Variants in CIB4 observed in about 807,000 individuals in gnomAD.
CIB4 encodes calcium and integrin binding family member 4.
Under a neutral mutation model 25.8 loss-of-function variants are expected in CIB4, and 25 were observed. That is an observed-to-expected ratio of 0.97 (90% CI 0.71 to 1.35). The LOEUF (loss-of-function observed/expected upper bound fraction) is 1.35, where lower values mean the gene tolerates loss of function less well. Among genes scored for constraint, CIB4 ranks in the 40% most tolerant of loss-of-function variants. CIB4 has a pLI of 0.00. For synonymous variants in CIB4, 75 were observed against 81.4 expected (o/e 0.92, Z 0.42); for missense variants, 235 against 228.2 (o/e 1.03, Z -0.19).
intron 4 of CIB4, among the ~76,000 whole-genome samples, chr2:26,589,087 T>TTCTTCCTCTTCC (rs1668527674): frequency 2.1e-5 from 2 of 93,362 alleles, no homozygotes; most frequent in African/African-American, 1.3e-4. Context: ...CTTCTTCTTC[T>TTCTTCCTCTTCC]TCTTCTTCTT....
intron 4 of CIB4, among the ~76,000 whole-genome samples, chr2:26,592,525 G>A (rs958996516): frequency 6.6e-6 from 1 of 152,132 alleles, no homozygotes; most frequent in African/African-American, 2.4e-5. Context: ...GGGCCATTAT[G>A]TCTTCAAATA....
At chr2:26,586,039 A>G (rs1668445810) in intron 4 of CIB4, among the ~76,000 whole-genome samples, 1 of 151,898 alleles carries the variant, frequency 6.6e-6, no homozygotes, top group Non-Finnish European at 1.5e-5. Context: ...CGCACTTCCC[A>G]TGCACTACCC....
intron 3 of CIB4, among the ~76,000 whole-genome samples, chr2:26,598,769 C>T (rs1668729451): frequency 6.6e-6 from 1 of 152,188 alleles, no homozygotes; most frequent in Admixed American, 6.5e-5. Flanking sequence ...TTATGAGCCC[C>T]CCTGAGACAG....
chr2:26,595,016 T>A (rs1163521714), intron 4 of CIB4, among the ~76,000 whole-genome samples, 160 bp downstream of exon 4: 1 of 152,100 alleles, frequency 6.6e-6, no homozygotes, highest in Non-Finnish European at 1.5e-5. Flanking sequence ...CAATCTTTTT[T>A]TTTTATTCCA....
At chr2:26,632,838 A>T (rs1328137323) in intron 2 of CIB4, among the ~76,000 whole-genome samples, 3 of 152,056 alleles carry the variant, frequency 2.0e-5, no homozygotes, top group Non-Finnish European at 4.4e-5. Context: ...GCATTTTGTC[A>T]CTGTCATAGT....
intron 3 of CIB4, among the ~76,000 whole-genome samples, chr2:26,625,349 CTTT>C (rs34821747): frequency 7.1e-5 from 7 of 98,542 alleles, no homozygotes; most frequent in East Asian, 2.6e-4. Flanking sequence ...TAAGGACAGC[CTTT>C]TTTTTTTTTT....
At chr2:26,581,523 C>A in intron 6 of CIB4, 130 bp from the exon 7 acceptor site, 1 of 866,626 alleles carries the variant, frequency 1.2e-6, no homozygotes, top group Non-Finnish European at 1.9e-6. Flanking sequence ...GGGTGACGGC[C>A]ACTTTGCAGC....
chr2:26,629,558 G>C, intron 2 of CIB4, 52 bp from the exon 3 acceptor site: 1 of 1,267,910 alleles, frequency 7.9e-7, no homozygotes. Context: ...GGCCAGCACT[G>C]TGTGGCCGGG....
At chr2:26,617,119 A>AGTGTGTGTGT (rs1244289106) in intron 3 of CIB4, among the ~76,000 whole-genome samples, 1 of 36,292 alleles carries the variant, frequency 2.8e-5, no homozygotes, top group African/African-American at 9.3e-5. Context: ...AAGAGCATGG[A>AGTGTGTGTGT]ATGTGTGTGT....
At chr2:26,600,744 G>A (rs568616973) in intron 3 of CIB4, among the ~76,000 whole-genome samples, 2 of 152,266 alleles carry the variant, frequency 1.3e-5, no homozygotes, top group South Asian at 4.1e-4. Context: ...GGGTTAGAAG[G>A]CTCAATATTA....
rs1159525010 is a variant in CIB4 at position 26,640,509 on chromosome 2, A to G, written c.89+24T>C. On this transcript the variant is annotated intron_variant, in intron 2 of 6. Coordinates refer to ENST00000288861, the MANE Select transcript of CIB4 (RefSeq NM_001029881.3). ...TCAGAGGGAGGAGCTGGGAGAAGGA[A>G]AGAGGGGCGGGGCTTCTACTCACCA... 3.1e-6 allele frequency: 5 copies of G among 1,612,114 alleles called. No homozygotes were observed. In the South Asian group the frequency reaches 3.3e-5, roughly 11 times the overall value.
chr2:26,615,414 C>G (rs1731241), intron 3 of CIB4, among the ~76,000 whole-genome samples: 103,201 of 152,014 alleles, frequency 0.68, 35,269 homozygotes, highest in African/African-American at 0.75. Flanking sequence ...CCTGGGAGAG[C>G]GGCTGCCATC....
intron 2 of CIB4, among the ~76,000 whole-genome samples, chr2:26,629,919 G>A (rs1669384201): frequency 6.6e-6 from 1 of 152,138 alleles, no homozygotes; most frequent in Admixed American, 6.5e-5. Flanking sequence ...CCCCACCTCT[G>A]GCCATCTGCC....
intron 4 of CIB4, among the ~76,000 whole-genome samples, chr2:26,584,791 G>A (rs540987162): frequency 2.0e-4 from 31 of 152,290 alleles, no homozygotes; most frequent in East Asian, 3.9e-4. Context: ...GGTTCCGGCC[G>A]TGGGGAGCCC....
intron 3 of CIB4, among the ~76,000 whole-genome samples, chr2:26,595,895 GCGCACACACACACA>G (rs59928888): frequency 0.77 from 114,500 of 148,462 alleles, 46,303 homozygotes; most frequent in East Asian, 0.99. Context: ...ACTTATCTGC[GCGCACACACACACA>G]CACACACACA....
chr2:26,581,395 TGAAA>T lies in CIB4; in HGVS notation c.528-6_528-3del, dbSNP rs1307830189. 1.9e-6 allele frequency: 3 copies of T among 1,613,470 alleles called. No individual in the cohort carries two copies. The African/African-American group carries it at 4.0e-5, about 22-fold the overall frequency. On this transcript the variant is annotated splice_polypyrimidine_tract_variant and splice_region_variant and intron_variant, in intron 6 of 6. Coordinates refer to ENST00000288861, the MANE Select transcript of CIB4 (RefSeq NM_001029881.3). Reference sequence around the variant, plus strand: ...CCCCAGAAGTGAATCCGAAAGGAGCTGAAAGAAAGAATCCCGTGAGCCATGTGAG... The same window carrying T: ...CCCCAGAAGTGAATCCGAAAGGAGCTGAAAGAATCCCGTGAGCCATGTGAG...
chr2:26,606,907 A>C (rs1418557416), intron 3 of CIB4, among the ~76,000 whole-genome samples: 2 of 152,166 alleles, frequency 1.3e-5, no homozygotes, highest in African/African-American at 4.8e-5. Flanking sequence ...CTGGAGGCGG[A>C]TCGCTAATGG....
intron 4 of CIB4, among the ~76,000 whole-genome samples, chr2:26,594,613 T>C (rs1668644334): frequency 6.6e-6 from 1 of 152,204 alleles, no homozygotes; most frequent in Admixed American, 6.5e-5. Flanking sequence ...TTGATTCCTT[T>C]TGAGAATTCC....
chr2:26,640,493 G>A, intron 2 of CIB4, 40 bp downstream of exon 2: 2 of 1,603,882 alleles, frequency 1.2e-6, no homozygotes, highest in South Asian at 1.1e-5. Flanking sequence ...CTCAGAGGGA[G>A]GAGCTGGGAG....
Sources: gnomAD v4.1 joint callset for allele counts (sites outside exome capture counted in the v4.1 genomes callset) on GRCh38, gnomAD v4.1.1 for gene constraint, MANE v1.5 for transcripts, NCBI Gene and HGNC (gene_info 2026-07-23, HGNC 2026-07-21) for gene names.